The following ZKSCAN2 variants were observed in gnomAD, a reference collection of about 807,000 sequenced individuals.
The protein encoded by ZKSCAN2 is zinc finger protein with KRAB and SCAN domains 2.
In ZKSCAN2, 38 loss-of-function variants were observed where a neutral mutation model predicts 90.5. The ratio of observed to expected loss-of-function variants is 0.42; its 90% CI spans 0.32 to 0.55. The LOEUF (loss-of-function observed/expected upper bound fraction) is 0.55. Among genes scored for constraint, ZKSCAN2 ranks in the 20% least tolerant of loss-of-function variants. The probability of loss-of-function intolerance (pLI) is 0.11; values close to 1 mark genes in which losing one functional copy is unlikely to be tolerated. For missense variants in ZKSCAN2, 1,167 were observed against 1,202.6 expected (o/e 0.97, Z 0.44); for synonymous variants, 429 against 421.6 (o/e 1.02, Z -0.22).
chr16:25,242,694 G>C (rs1962872364), intron 6 of ZKSCAN2, among the ~76,000 whole-genome samples: 1 of 152,246 alleles, frequency 6.6e-6, no homozygotes, highest in South Asian at 2.1e-4. Flanking sequence ...ATAGCCAGTA[G>C]TTCCGCTCTG....
chr16:25,255,144 G>A, intron 2 of ZKSCAN2, 62 bp downstream of exon 2: 6 of 1,511,918 alleles, frequency 4.0e-6, no homozygotes, highest in African/African-American at 1.4e-5. Context: ...TCACAGCGTT[G>A]GGGTACTGCG....
intron 6 of ZKSCAN2, among the ~76,000 whole-genome samples, chr16:25,242,611 A>C (rs1476127702): frequency 6.6e-6 from 1 of 152,228 alleles, no homozygotes; most frequent in Non-Finnish European, 1.5e-5. Context: ...ATGTAGAGCC[A>C]AGGACATTCA....
chr16:25,254,096 A>C (rs1963060234), intron 2 of ZKSCAN2, among the ~76,000 whole-genome samples: 1 of 152,264 alleles, frequency 6.6e-6, no homozygotes, highest in Non-Finnish European at 1.5e-5. Context: ...AGATAAAAAA[A>C]TGGCAGAGCT....
chr16:25,246,165 G>A (rs1010544585), intron 5 of ZKSCAN2: 3 of 153,350 alleles, frequency 2.0e-5, no homozygotes, highest in Admixed American at 1.9e-4. Context: ...CTTTAAGTTT[G>A]TAATTAATTA....
At chr16:25,241,678 A>C (rs1244081810) in intron 6 of ZKSCAN2, among the ~76,000 whole-genome samples, 1 of 152,168 alleles carries the variant, frequency 6.6e-6, no homozygotes, top group African/African-American at 2.4e-5. Context: ...ACTTAGGCCC[A>C]ATTCAGGTTA....
At chr16:25,242,598 G>A (rs1166626588) in intron 6 of ZKSCAN2, among the ~76,000 whole-genome samples, 1 of 152,192 alleles carries the variant, frequency 6.6e-6, no homozygotes, top group East Asian at 1.9e-4. Context: ...TGGACATGGA[G>A]ATATGTAGAG....
Position 25,257,091 on chromosome 16 carries a change from G to C in ZKSCAN2, c.37C>G (p.Leu13Val). 1 of 1,610,362 alleles carries C rather than the reference G, an allele frequency of 6.2e-7. No individual in the cohort carries two copies. Among genetic ancestry groups the C allele is most frequent in the Non-Finnish European group, 8.5e-7 (1 of 1,177,770 alleles). Residue 13 changes from leucine (L) to valine (V), a missense_variant, in exon 1 of 7, where the codon CTG becomes GTG. Leu to Val is a conservative substitution (Grantham distance 32). Transcript: ENST00000328086. ...ATTATTAGGCATCCCTCAACCTCCAGGGGCGCGTCGATCTGAGAGTCGAGG... is the reference window on the plus strand; with the variant it reads ...ATTATTAGGCATCCCTCAACCTCCACGGGCGCGTCGATCTGAGAGTCGAGG... ...VALDSQIDAP[L>V]EVEGCLIMKV...
intron 4 of ZKSCAN2, among the ~76,000 whole-genome samples, chr16:25,250,388 AC>A (rs1294147096): frequency 6.6e-6 from 1 of 152,246 alleles, no homozygotes; most frequent in Non-Finnish European, 1.5e-5. Flanking sequence ...AGACAGAGGA[AC>A]ACAAATATGA....
At chr16:25,255,134 T>C in intron 2 of ZKSCAN2, 72 bp downstream of exon 2, 1 of 1,482,200 alleles carries the variant, frequency 6.7e-7, no homozygotes, top group Non-Finnish European at 9.0e-7. Flanking sequence ...CACTGCACAT[T>C]CACAGCGTTG....
intron 5 of ZKSCAN2, chr16:25,246,213 T>C (rs1962931460): frequency 6.5e-6 from 1 of 154,324 alleles, no homozygotes; most frequent in Non-Finnish European, 1.4e-5. Flanking sequence ...TCCATCTGAC[T>C]CATCTATTTT....
chr16:25,242,762 C>T (rs760198143), intron 6 of ZKSCAN2, among the ~76,000 whole-genome samples: 1 of 152,170 alleles, frequency 6.6e-6, no homozygotes, highest in African/African-American at 2.4e-5. Context: ...GTAAGATGAG[C>T]TCAGATCAAA....
At chr16:25,247,948 C>T (rs1962960054) in intron 4 of ZKSCAN2, among the ~76,000 whole-genome samples, 1 of 152,170 alleles carries the variant, frequency 6.6e-6, no homozygotes, top group Non-Finnish European at 1.5e-5. Context: ...GAAGTCCACA[C>T]ATGTATAGCT....
intron 6 of ZKSCAN2, among the ~76,000 whole-genome samples, chr16:25,243,274 A>G (rs1350985885): frequency 6.6e-6 from 1 of 152,238 alleles, no homozygotes; most frequent in African/African-American, 2.4e-5. Context: ...TGAGAACCCA[A>G]GGACTGAGTC....
Position 25,240,749 on chromosome 16 carries a change from G to T in ZKSCAN2, c.1982-11C>A. The T allele has an allele frequency of 6.2e-7, 1 of 1,600,294 alleles. No homozygotes were observed. Among genetic ancestry groups the T allele is most frequent in the South Asian group, 1.1e-5 (1 of 89,824 alleles). ...TTCCGATTTCAAAATCTGAAAAAAT[G>T]AAAGACAATACAAATTTTATACAAG... On this transcript the variant is annotated splice_polypyrimidine_tract_variant and intron_variant, in intron 6 of 6. Transcript: ENST00000328086.
Position 25,246,996 on chromosome 16 carries a change from G to C in ZKSCAN2, c.1200C>G (p.Leu400=), listed in dbSNP as rs775138725. 3 of 1,614,158 alleles carry C rather than the reference G, an allele frequency of 1.9e-6. No individual in the cohort carries two copies. The Admixed American group carries it at 5.0e-5, about 27-fold the overall frequency. The stretch of plus-strand genomic sequence containing the variant: ...TTCTCACCTTTCGATAGCTTTTCTG[G>C]AGACTTTTGAACTTGGTTCGACACT... ...PEQCRTKFKS[L]QKSYRKVRNG... is the part of the protein sequence containing the mutation. The change falls in exon 5 of 7, where the codon CTC becomes CTG. Residue 400 remains leucine (L), a synonymous_variant. Coordinates refer to ENST00000328086, the MANE Select transcript of ZKSCAN2 (RefSeq NM_001012981.5).
chr16:25,248,882 G>A (rs1597644049), intron 4 of ZKSCAN2, among the ~76,000 whole-genome samples: 1 of 152,146 alleles, frequency 6.6e-6, no homozygotes, highest in African/African-American at 2.4e-5. Flanking sequence ...GCTAAGATAC[G>A]GAAGCAACCA....
chr16:25,253,107 A>AGT, intron 2 of ZKSCAN2, 70 bp from the exon 3 acceptor site: 1 of 1,197,756 alleles, frequency 8.3e-7, no homozygotes, highest in South Asian at 1.2e-5. Flanking sequence ...CTCTCTTTTT[A>AGT]AGAGATGAGT....
intron 4 of ZKSCAN2, among the ~76,000 whole-genome samples, chr16:25,251,684 C>T (rs1277414996): frequency 1.3e-5 from 2 of 152,116 alleles, no homozygotes; most frequent in Non-Finnish European, 2.9e-5. Flanking sequence ...ATATGATAGT[C>T]ATATGTAACT....
At chr16:25,256,375 C>CT (rs1001466022) in intron 1 of ZKSCAN2, among the ~76,000 whole-genome samples, 3 of 150,652 alleles carry the variant, frequency 2.0e-5, no homozygotes, top group Non-Finnish European at 4.4e-5. Context: ...ACAGAATAGC[C>CT]TTTTTTGATC....
Sources: allele counts gnomAD v4.1 joint callset (sites outside exome capture counted in the v4.1 genomes callset), GRCh38; gene constraint gnomAD v4.1.1; transcripts MANE v1.5; gene names NCBI Gene and HGNC (gene_info 2026-07-23, HGNC 2026-07-21).